The following NDUFA10 variants were observed in gnomAD, a reference collection of about 807,000 sequenced individuals.
The protein encoded by NDUFA10 is NADH:ubiquinone oxidoreductase subunit A10.
A neutral mutation model predicts 47.8 loss-of-function variants in NDUFA10; 40 were observed. The ratio of observed to expected loss-of-function variants is 0.84; its 90% CI spans 0.65 to 1.09. The LOEUF is 1.09. NDUFA10 is among the 50% of genes least tolerant of loss of function. The probability of loss-of-function intolerance (pLI) is 0.00; values close to 1 mark genes in which losing one functional copy is unlikely to be tolerated. For synonymous variants in NDUFA10, 183 were observed against 172.2 expected (o/e 1.06, Z -0.49); for missense variants, 413 against 451.1 (o/e 0.92, Z 0.76).
In NDUFA10 at chr2:239,903,167, A is replaced by C. The variant is rs376969932; in HGVS notation, c.295-7853T>G. Among the ~76,000 whole-genome samples the C allele has an allele frequency of 3.3e-5, 5 of 152,258 alleles. No individual in the cohort carries two copies. In the East Asian group the frequency reaches 9.6e-4, roughly 29 times the overall value. ...TGAGGCTTCCCAGGGTCACAGCTGG[A>C]CATGACACAGGGCAGCTGGTGAGAC... On this transcript the variant is annotated intron_variant, in intron 4 of 5. Coordinates refer to the NDUFA10 transcript ENST00000419408.
intron 6 of NDUFA10, 66 bp downstream of exon 6, chr2:240,011,551 T>TTGGGGCC (rs1697143696): frequency 7.8e-7 from 1 of 1,279,342 alleles, no homozygotes; most frequent in Non-Finnish European, 1.1e-6. Context: ...CCCTGGGCTG[T>TTGGGGCC]TGGGGCCTAA....
intron 3 of NDUFA10, among the ~76,000 whole-genome samples, chr2:240,020,365 G>A (rs185376483): frequency 1.2e-3 from 190 of 152,346 alleles, no homozygotes; most frequent in African/African-American, 4.4e-3. Context: ...TCCGCACACA[G>A]ATGTGCCATT....
intron 9 of NDUFA10, among the ~76,000 whole-genome samples, chr2:239,976,861 T>G (rs1345867346): frequency 1.3e-5 from 2 of 152,146 alleles, no homozygotes; most frequent in East Asian, 3.9e-4. Context: ...ATTCTCTCAG[T>G]AAGAGCAGCT....
chr2:239,918,014 C>T (rs1040180333), intron 4 of NDUFA10, among the ~76,000 whole-genome samples: 2 of 152,172 alleles, frequency 1.3e-5, no homozygotes, highest in African/African-American at 2.4e-5. Context: ...CCCAGCAGCC[C>T]TGGACTCCAG....
rs933551171 is a variant in NDUFA10, at chr2:240,018,705, C to T, written c.461-66G>A. 8.3e-5 allele frequency: 124 copies of T among 1,490,118 alleles called. 1 individual carries two copies. The African/African-American group carries it at 1.0e-3, about 12-fold the overall frequency. 92.3% of individuals were successfully genotyped at this position (1,490,118 alleles called of 1,614,324 possible). A position where few individuals can be genotyped will look rare whatever the true frequency, so the allele number is the denominator to read the frequency against. On this transcript the variant is annotated intron_variant, in intron 3 of 9. Coordinates refer to ENST00000252711, the MANE Select transcript of NDUFA10 (RefSeq NM_004544.4). The stretch of plus-strand genomic sequence containing the variant: ...ATAGCAAAGCACTGTCAACTGATCA[C>T]TGCATTCCAGAGAAAAGAAAATAAC...
Position 239,959,353 on chromosome 2 carries a change from G to T in NDUFA10, c.*1765C>A, listed in dbSNP as rs1694752891. 1 of 985,472 alleles carries T rather than the reference G, an allele frequency of 1.0e-6. No homozygotes were observed. The highest frequency in any genetic ancestry group is 1.7e-5 in the African/African-American group (1 of 57,362). 61.0% of individuals were successfully genotyped at this position (985,472 alleles called of 1,614,324 possible). A position where few individuals can be genotyped will look rare whatever the true frequency, so the allele number is the denominator to read the frequency against. ...CACTACCCGTGCAACCACCAAGGTT[G>T]AAGGAAACAGCTAGCTCTTTGCAGC... is the stretch of plus-strand genomic sequence containing the variant. On this transcript the variant is annotated 3_prime_UTR_variant, in exon 10 of 10. Transcript: ENST00000252711.
intron 4 of NDUFA10, among the ~76,000 whole-genome samples, chr2:239,898,980 ATGATGGAGAGGTG>A (rs1166845073): frequency 0.04 from 3,166 of 79,700 alleles, 162 homozygotes; most frequent in East Asian, 0.075. Flanking sequence ...ATGAAGAGGT[ATGATGGAGAGGTG>A]TGATGGAGAG....
Position 239,959,421 on chromosome 2 carries a change from T to C in NDUFA10, c.*1697A>G. The C allele has an allele frequency of 1.0e-6, 1 of 985,452 alleles. No homozygotes were observed. The highest frequency in any genetic ancestry group is 4.7e-5 in the South Asian group (1 of 21,286). 61.0% of individuals were successfully genotyped at this position (985,452 alleles called of 1,614,324 possible). ...GCTAAGATAATTAAAGATGGCTTTC[T>C]TTTTCTTTCCTCCCCTCCACAATGG... On this transcript the variant is annotated 3_prime_UTR_variant, in exon 10 of 10. Coordinates refer to ENST00000252711, the MANE Select transcript of NDUFA10 (RefSeq NM_004544.4).
chr2:239,910,754 G>A (rs78638306), intron 4 of NDUFA10, among the ~76,000 whole-genome samples: 3,270 of 152,236 alleles, frequency 0.021, 71 homozygotes, highest in East Asian at 0.1. Context: ...TCATGTGACC[G>A]AGATGACCAT....
At chr2:239,978,710 T>C (rs1470584787) in intron 9 of NDUFA10, among the ~76,000 whole-genome samples, 1 of 152,218 alleles carries the variant, frequency 6.6e-6, no homozygotes, top group Non-Finnish European at 1.5e-5. Flanking sequence ...TTAAATGTTA[T>C]GAAAACTACG....
Position 239,958,068 on chromosome 2 carries a change from A to G in NDUFA10, c.*3050T>C, listed in dbSNP as rs2106389207. Reference sequence around the variant, plus strand: ...AGGCTCCCGGCTTCTATTTATATCCACATGTAAAGCCCCAGATCACTCGGG... The same window carrying G: ...AGGCTCCCGGCTTCTATTTATATCCGCATGTAAAGCCCCAGATCACTCGGG... On this transcript the variant is annotated 3_prime_UTR_variant, in exon 10 of 10. Coordinates refer to ENST00000252711, the MANE Select transcript of NDUFA10 (RefSeq NM_004544.4). 6.6e-6 allele frequency: 1 copy of G among 152,252 alleles called. No individual in the cohort carries two copies. Among genetic ancestry groups the G allele is most frequent in the South Asian group, 2.1e-4 (1 of 4,814 alleles). The allele number at this position is 152,252 out of a possible 1,614,324, so 9.4% of individuals were successfully genotyped here. A position where few individuals can be genotyped will look rare whatever the true frequency, so the allele number is the denominator to read the frequency against.
At chr2:239,927,864 G>T (rs1694090996) in intron 4 of NDUFA10, among the ~76,000 whole-genome samples, 1 of 152,210 alleles carries the variant, frequency 6.6e-6, no homozygotes, top group South Asian at 2.1e-4. Flanking sequence ...AGGAAAGCTG[G>T]CAAAAACTCG....
At chr2:239,923,607 G>A (rs1338601836) in intron 4 of NDUFA10, among the ~76,000 whole-genome samples, 1 of 151,898 alleles carries the variant, frequency 6.6e-6, no homozygotes, top group East Asian at 1.9e-4. Context: ...AAAATTTGTG[G>A]GGTGCGTATT....
At chr2:239,995,210 G>C (rs1295270524) in intron 8 of NDUFA10, among the ~76,000 whole-genome samples, 1 of 152,126 alleles carries the variant, frequency 6.6e-6, no homozygotes, top group Non-Finnish European at 1.5e-5. Flanking sequence ...GGAAGGGGAG[G>C]CTGCAGTGAG....
At chr2:240,015,588 A>G (rs1346431257) in intron 4 of NDUFA10, among the ~76,000 whole-genome samples, 2 of 152,244 alleles carry the variant, frequency 1.3e-5, no homozygotes, top group Non-Finnish European at 2.9e-5. Context: ...CTGAGGAATA[A>G]TTCTCCTAAA....
intron 4 of NDUFA10, among the ~76,000 whole-genome samples, chr2:239,937,099 C>T (rs538992009): frequency 2.0e-5 from 3 of 152,354 alleles, no homozygotes; most frequent in East Asian, 1.9e-4. Context: ...GGGGGCAGTC[C>T]GCAGTGGCCA....
chr2:239,916,718 T>G (rs1244837339), intron 4 of NDUFA10, among the ~76,000 whole-genome samples: 2 of 152,248 alleles, frequency 1.3e-5, no homozygotes, highest in Non-Finnish European at 2.9e-5. Context: ...CGGCACCTTG[T>G]GCTGCCACCT....
At chr2:239,913,362 C>A (rs1206667619) in intron 4 of NDUFA10, among the ~76,000 whole-genome samples, 1 of 152,250 alleles carries the variant, frequency 6.6e-6, no homozygotes, top group Non-Finnish European at 1.5e-5. Context: ...CGTTGCTCGG[C>A]CCACGCAACC....
chr2:239,991,657 T>C lies in NDUFA10; in HGVS notation c.891-1475A>G, dbSNP rs146518635. Among the ~76,000 whole-genome samples the C allele has an allele frequency of 7.2e-5, 11 of 152,332 alleles. No individual in the cohort carries two copies. The East Asian group carries it at 1.7e-3, about 24-fold the overall frequency. Reference sequence around the variant, plus strand: ...CATTCTATCTAAACACTTCCATGCATGTGTCAATAATCTACAAGTACGTAT... The same window carrying C: ...CATTCTATCTAAACACTTCCATGCACGTGTCAATAATCTACAAGTACGTAT... On this transcript the variant is annotated intron_variant, in intron 8 of 9. Transcript: ENST00000252711.
Sources: gnomAD v4.1 joint callset for allele counts (sites outside exome capture counted in the v4.1 genomes callset) on GRCh38, gnomAD v4.1.1 for gene constraint, MANE v1.5 for transcripts, NCBI Gene and HGNC (gene_info 2026-07-23, HGNC 2026-07-21) for gene names.